CHCHD6: variants seen among roughly 807,000 people sequenced by gnomAD.
CHCHD6 encodes the protein coiled-coil-helix-coiled-coil-helix domain containing 6, also known as MICOS complex subunit MIC25.
Under a neutral mutation model 32.3 loss-of-function variants are expected in CHCHD6, and 28 were observed. That is an observed-to-expected ratio of 0.87 (90% CI 0.64 to 1.19). The LOEUF is 1.19. Ranked by LOEUF, CHCHD6 falls within the 50% of genes most tolerant of loss-of-function variation. The pLI, the probability that CHCHD6 is intolerant of heterozygous loss-of-function variation, is 0.00. For synonymous variants in CHCHD6, 122 were observed against 117.5 expected, an observed-to-expected ratio of 1.04 and a Z score of -0.25; for missense variants, 333 against 307.0, an observed-to-expected ratio of 1.08 and a Z score of -0.63.
intron 5 of CHCHD6, among the ~76,000 whole-genome samples, chr3:126,867,031 G>A (rs550095532): frequency 1.3e-5 from 2 of 152,276 alleles, no homozygotes; most frequent in South Asian, 4.1e-4. Flanking sequence ...TAAGCCTGTC[G>A]TCTCCTACAG....
chr3:126,897,959 G>A (rs2077864814), intron 5 of CHCHD6, among the ~76,000 whole-genome samples: 1 of 152,196 alleles, frequency 6.6e-6, no homozygotes, highest in African/African-American at 2.4e-5. Context: ...CCTGTGGAGT[G>A]GGGAACATGG....
intron 6 of CHCHD6, chr3:126,949,500 A>G: frequency 5.1e-6 from 1 of 195,384 alleles, no homozygotes; most frequent in East Asian, 2.4e-4. Context: ...ACGGAAGGGA[A>G]GGCTGCTGCG....
intron 4 of CHCHD6, among the ~76,000 whole-genome samples, chr3:126,741,268 C>T (rs142179329): frequency 8.5e-5 from 13 of 152,276 alleles, no homozygotes; most frequent in Non-Finnish European, 1.5e-4. Context: ...TTAGGATTTA[C>T]TCTTCCTCCT....
At chr3:126,719,496 C>T (rs1935180060) in intron 1 of CHCHD6, among the ~76,000 whole-genome samples, 1 of 152,122 alleles carries the variant, frequency 6.6e-6, no homozygotes, top group Non-Finnish European at 1.5e-5. Context: ...TTAAGCATTT[C>T]TGAAGTGGGG....
chr3:126,896,010 G>A (rs912513370), intron 5 of CHCHD6, among the ~76,000 whole-genome samples: 2 of 152,184 alleles, frequency 1.3e-5, no homozygotes, highest in Admixed American at 6.5e-5. Context: ...GTCCCACCCC[G>A]GGGTCTCTGT....
At chr3:126,907,155 C>T (rs2078019583) in intron 5 of CHCHD6, among the ~76,000 whole-genome samples, 1 of 152,178 alleles carries the variant, frequency 6.6e-6, no homozygotes, top group Admixed American at 6.5e-5. Context: ...CCTAGGGTCT[C>T]AGGAATTACA....
intron 2 of CHCHD6, among the ~76,000 whole-genome samples, chr3:126,727,525 G>T (rs1442282151): frequency 6.6e-6 from 1 of 152,198 alleles, no homozygotes; most frequent in Non-Finnish European, 1.5e-5. Context: ...AGCCACTCTA[G>T]CCTAACTCCC....
At chr3:126,927,341 C>T (rs942673117) in intron 6 of CHCHD6, among the ~76,000 whole-genome samples, 2 of 152,200 alleles carry the variant, frequency 1.3e-5, no homozygotes, top group Non-Finnish European at 1.5e-5. Flanking sequence ...GTCCCAGTGC[C>T]CAAACGAGGG....
At chr3:126,902,218 T>C (rs1418589870) in intron 5 of CHCHD6, among the ~76,000 whole-genome samples, 1 of 152,082 alleles carries the variant, frequency 6.6e-6, no homozygotes, top group Non-Finnish European at 1.5e-5. Context: ...AGGGTCTCTG[T>C]GGTGTGGGGT....
At chr3:126,790,385 G>A (rs993240773) in intron 4 of CHCHD6, among the ~76,000 whole-genome samples, 29 of 152,246 alleles carry the variant, frequency 1.9e-4, no homozygotes, top group African/African-American at 6.5e-4. Flanking sequence ...GCTAGGTTGG[G>A]GAAGTTCTCC....
chr3:126,890,069 G>A (rs921430146), intron 5 of CHCHD6, among the ~76,000 whole-genome samples: 9 of 152,240 alleles, frequency 5.9e-5, no homozygotes, highest in Non-Finnish European at 1.2e-4. Context: ...GCCAGGTGGA[G>A]GGACTTTGAG....
At chr3:126,839,850 A>G (rs184097469) in intron 4 of CHCHD6, among the ~76,000 whole-genome samples, 1 of 152,224 alleles carries the variant, frequency 6.6e-6, no homozygotes, top group African/African-American at 2.4e-5. Context: ...ACACATTTCC[A>G]TGGTTTTTAG....
intron 5 of CHCHD6, among the ~76,000 whole-genome samples, chr3:126,908,420 A>G (rs188720018): frequency 5.3e-5 from 8 of 152,366 alleles, no homozygotes; most frequent in Non-Finnish European, 1.0e-4. Context: ...AGTGGGAATC[A>G]GCAAACTTTC....
At chr3:126,736,547 C>T (rs983948657) in intron 4 of CHCHD6, among the ~76,000 whole-genome samples, 7 of 152,216 alleles carry the variant, frequency 4.6e-5, no homozygotes, top group Non-Finnish European at 1.0e-4. Flanking sequence ...GATTTTAAAA[C>T]CCTCTTCTGC....
chr3:126,868,741 G>A (rs1041728691), intron 5 of CHCHD6, among the ~76,000 whole-genome samples: 2 of 152,192 alleles, frequency 1.3e-5, no homozygotes, highest in Admixed American at 6.5e-5. Context: ...CTATGTGCAT[G>A]TGCCATAATT....
At chr3:126,830,208 G>A (rs1940581816) in intron 4 of CHCHD6, among the ~76,000 whole-genome samples, 1 of 152,204 alleles carries the variant, frequency 6.6e-6, no homozygotes, top group Admixed American at 6.5e-5. Context: ...TGTGGGAGGA[G>A]TTCTTCTGCC....
At chr3:126,904,080 T>C (rs895612156) in intron 5 of CHCHD6, among the ~76,000 whole-genome samples, 1 of 152,222 alleles carries the variant, frequency 6.6e-6, no homozygotes, top group African/African-American at 2.4e-5. Flanking sequence ...CCATGAAGTT[T>C]TTCTTGAATA....
intron 4 of CHCHD6, chr3:126,767,613 G>A (rs1937430039): frequency 3.1e-6 from 1 of 323,848 alleles, no homozygotes; most frequent in Non-Finnish European, 5.7e-6. Context: ...CAACATTTAG[G>A]TTCAGGGGTG....
chr3:126,770,225 A>T (rs1192469886), intron 4 of CHCHD6, among the ~76,000 whole-genome samples: 1 of 152,204 alleles, frequency 6.6e-6, no homozygotes, highest in Non-Finnish European at 1.5e-5. Context: ...GTTGTTTATC[A>T]GATCAGGGAG....
Sources: gnomAD v4.1 joint callset for allele counts (sites outside exome capture counted in the v4.1 genomes callset) on GRCh38, gnomAD v4.1.1 for gene constraint, MANE v1.5 for transcripts, NCBI Gene and HGNC (gene_info 2026-07-23, HGNC 2026-07-21) for gene names.